PDE10A: variants seen among roughly 807,000 people sequenced by gnomAD.
The protein encoded by PDE10A is cAMP and cAMP-inhibited cGMP 3',5'-cyclic phosphodiesterase 10A.
A neutral mutation model predicts 97.7 loss-of-function variants in PDE10A; 39 were observed. The observed-to-expected ratio is 0.40, with a 90% CI of 0.31 to 0.52. PDE10A has a LOEUF of 0.52. Among genes scored for constraint, PDE10A ranks in the 20% least tolerant of loss-of-function variants. PDE10A has a pLI of 0.56. For synonymous variants in PDE10A, 371 were observed against 376.8 expected (o/e 0.98, Z 0.18); for missense variants, 731 against 1,047.8 (o/e 0.70, Z 4.17).
intron 1 of PDE10A, among the ~76,000 whole-genome samples, chr6:165,766,905 T>C (rs1465454555): frequency 6.6e-6 from 1 of 152,202 alleles, no homozygotes; most frequent in African/African-American, 2.4e-5. Flanking sequence ...CAATAGCCAT[T>C]TGAAGATTAT....
At chr6:165,935,891 G>A (rs969613896) in intron 1 of PDE10A, among the ~76,000 whole-genome samples, 8 of 152,130 alleles carry the variant, frequency 5.3e-5, no homozygotes, top group African/African-American at 9.7e-5. Context: ...ACAGCCCCTC[G>A]CTCTTGGACT....
intron 3 of PDE10A, among the ~76,000 whole-genome samples, chr6:165,454,046 A>C (rs1777793599): frequency 6.6e-6 from 1 of 152,196 alleles, no homozygotes; most frequent in South Asian, 2.1e-4. Flanking sequence ...AAAGAAGATT[A>C]TTCTCCAGCT....
At chr6:165,682,002 A>G (rs866741954) in intron 1 of PDE10A, among the ~76,000 whole-genome samples, 1 of 152,364 alleles carries the variant, frequency 6.6e-6, no homozygotes, top group Middle Eastern at 3.4e-3. Flanking sequence ...TATTTCATAT[A>G]GCTATCGTGA....
At chr6:165,470,355 AC>A (rs1422592130) in intron 3 of PDE10A, among the ~76,000 whole-genome samples, 1 of 152,226 alleles carries the variant, frequency 6.6e-6, no homozygotes, top group African/African-American at 2.4e-5. Flanking sequence ...CACTTTTTGA[AC>A]ACTGAACCAC....
intron 1 of PDE10A, among the ~76,000 whole-genome samples, chr6:165,565,198 A>T (rs1016957109): frequency 6.6e-5 from 10 of 152,148 alleles, no homozygotes; most frequent in South Asian, 4.1e-4. Context: ...ATATAGAAAA[A>T]TTTTTTTAAA....
intron 5 of PDE10A, among the ~76,000 whole-genome samples, chr6:165,448,007 T>C (rs1340093070): frequency 6.6e-6 from 1 of 152,192 alleles, no homozygotes; most frequent in Non-Finnish European, 1.5e-5. Context: ...TATTTAAGAG[T>C]CCTATTAAAA....
At chr6:165,736,834 T>C (rs982150896) in intron 1 of PDE10A, among the ~76,000 whole-genome samples, 3 of 152,096 alleles carry the variant, frequency 2.0e-5, no homozygotes, top group Non-Finnish European at 4.4e-5. Context: ...ACACTGAGAC[T>C]AGAAAAACAA....
chr6:165,939,135 A>G (rs1262112574), intron 1 of PDE10A, among the ~76,000 whole-genome samples: 1 of 152,238 alleles, frequency 6.6e-6, no homozygotes, highest in African/African-American at 2.4e-5. Flanking sequence ...AAGATACAGG[A>G]AATATGTATA....
At chr6:165,491,542 G>C (rs1250739534) in intron 2 of PDE10A, among the ~76,000 whole-genome samples, 1 of 152,060 alleles carries the variant, frequency 6.6e-6, no homozygotes, top group Non-Finnish European at 1.5e-5. Flanking sequence ...TCATAGCAAG[G>C]ACTCTCTCAG....
intron 1 of PDE10A, among the ~76,000 whole-genome samples, chr6:165,611,531 A>T (rs1253085747): frequency 6.6e-6 from 1 of 152,236 alleles, no homozygotes; most frequent in Non-Finnish European, 1.5e-5. Context: ...TGTGCCCAGA[A>T]GGGGCGGGGA....
In PDE10A at chr6:165,355,897, C is replaced by G. The variant is rs200363278; in HGVS notation, c.2784-12395G>C. ...TTGCTGTATTAGTCCATTTTCACAC[C>G]GCTATAAAGAATTACCTGATACTGG... On this transcript the variant is annotated intron_variant, in intron 18 of 21. Coordinates refer to ENST00000539869, the MANE Select transcript of PDE10A (RefSeq NM_001385079.1). Among the ~76,000 whole-genome samples, 21 of 152,156 alleles carry G rather than the reference C, an allele frequency of 1.4e-4. No homozygotes were observed. In the East Asian group the frequency reaches 4.0e-3, roughly 29 times the overall value.
intron 1 of PDE10A, among the ~76,000 whole-genome samples, chr6:165,834,694 C>A (rs752156756): frequency 5.3e-5 from 8 of 151,938 alleles, no homozygotes; most frequent in African/African-American, 9.7e-5. Context: ...GGTCTTGGCT[C>A]TGTTCTGGAG....
chr6:165,908,114 AAAAGTAAGGCT>A (rs1782349368), intron 1 of PDE10A, among the ~76,000 whole-genome samples: 1 of 152,244 alleles, frequency 6.6e-6, no homozygotes, highest in African/African-American at 2.4e-5. Context: ...GAACACTTTG[AAAAGTAAGGCT>A]AAGTTTTGCA....
chr6:165,775,379 A>G (rs900890974), intron 1 of PDE10A: 1 of 152,184 alleles, frequency 6.6e-6, no homozygotes, highest in Admixed American at 6.5e-5. Flanking sequence ...CAGCTACACA[A>G]TAGCCTCCAC....
chr6:165,661,936 A>G lies in PDE10A; in HGVS notation c.865+11T>C. Reference sequence around the variant, plus strand: ...GCCCCACCTCCGGGGAACGGGGAGCAGGCCACTTACTGGGGCTCAGGAAGC... The same window carrying G: ...GCCCCACCTCCGGGGAACGGGGAGCGGGCCACTTACTGGGGCTCAGGAAGC... On this transcript the variant is annotated intron_variant, in intron 1 of 21. Transcript: ENST00000539869. The surrounding 1 kb of genome is among the most constrained non-coding windows in gnomAD (Gnocchi z 4.8). 1 of 924,074 alleles carries G rather than the reference A, an allele frequency of 1.1e-6. No homozygotes were observed. Among genetic ancestry groups the G allele is most frequent in the Non-Finnish European group, 1.7e-6 (1 of 581,482 alleles). 57.2% of individuals were successfully genotyped at this position (924,074 alleles called of 1,614,324 possible).
chr6:165,825,385 C>T (rs1019536607), intron 1 of PDE10A, among the ~76,000 whole-genome samples: 8 of 152,176 alleles, frequency 5.3e-5, no homozygotes, highest in South Asian at 2.1e-4. Context: ...ATCTGAGGGC[C>T]CCGTTAAGTC....
chr6:165,647,883 A>G (rs188914871), intron 1 of PDE10A, among the ~76,000 whole-genome samples: 1 of 152,362 alleles, frequency 6.6e-6, no homozygotes, highest in Non-Finnish European at 1.5e-5. Context: ...TATCTCATTT[A>G]ATCTTCACCA....
At chr6:165,702,308 A>G (rs1174370123) in intron 1 of PDE10A, among the ~76,000 whole-genome samples, 4 of 152,168 alleles carry the variant, frequency 2.6e-5, no homozygotes, top group Non-Finnish European at 5.9e-5. Flanking sequence ...TCCTTCTCAT[A>G]CTGACCGCTG....
chr6:165,514,769 C>A (rs954850879), intron 2 of PDE10A, among the ~76,000 whole-genome samples: 1 of 152,172 alleles, frequency 6.6e-6, no homozygotes, highest in Admixed American at 6.5e-5. Context: ...TCAGGGGGTA[C>A]CGGAAGTAGC....
Sources: allele counts gnomAD v4.1 joint callset (sites outside exome capture counted in the v4.1 genomes callset), GRCh38; gene constraint gnomAD v4.1.1; non-coding constraint Gnocchi (gnomAD v3.1); transcripts MANE v1.5; gene names NCBI Gene and HGNC (gene_info 2026-07-23, HGNC 2026-07-21).